The following NALF1 variants were observed in gnomAD, a reference collection of about 807,000 sequenced individuals.
NALF1 encodes NALCN channel auxiliary factor 1.
Under a neutral mutation model 48.4 loss-of-function variants are expected in NALF1, and 3 were observed. The observed-to-expected ratio is 0.06, with a 90% confidence interval of 0.03 to 0.16. The LOEUF is 0.16. Ranked by LOEUF, NALF1 falls within the 10% of genes least tolerant of loss-of-function variation. The probability of loss-of-function intolerance (pLI) is 1.00; values close to 1 mark genes in which losing one functional copy is unlikely to be tolerated. For missense variants in NALF1, 526 were observed against 571.5 expected, an observed-to-expected ratio of 0.92 and a Z score of 0.81; for synonymous variants, 262 against 245.7, an observed-to-expected ratio of 1.07 and a Z score of -0.62.
intron 1 of NALF1, among the ~76,000 whole-genome samples, chr13:107,428,702 A>C (rs1391122699): frequency 6.6e-6 from 1 of 152,186 alleles, no homozygotes; most frequent in Non-Finnish European, 1.5e-5. Context: ...AAACACCTTT[A>C]CCTCTAGCTC....
At chr13:107,749,756 A>G (rs1482240103) in intron 1 of NALF1, among the ~76,000 whole-genome samples, 1 of 152,086 alleles carries the variant, frequency 6.6e-6, no homozygotes, top group East Asian at 1.9e-4. Context: ...CAATAAAGTA[A>G]ACTTGATATG....
At chr13:107,733,953 C>T (rs1050157250) in intron 1 of NALF1, among the ~76,000 whole-genome samples, 1 of 152,176 alleles carries the variant, frequency 6.6e-6, no homozygotes, top group African/African-American at 2.4e-5. Context: ...GTACAGCCTA[C>T]TACATACCTA....
At chr13:107,197,297 T>C (rs1419171289) in intron 2 of NALF1, among the ~76,000 whole-genome samples, 2 of 152,178 alleles carry the variant, frequency 1.3e-5, no homozygotes, top group Non-Finnish European at 2.9e-5. Context: ...AGACAATGTA[T>C]CTTATAACAT....
chr13:107,759,861 A>C (rs992835294), intron 1 of NALF1, among the ~76,000 whole-genome samples: 1 of 151,892 alleles, frequency 6.6e-6, no homozygotes, highest in Non-Finnish European at 1.5e-5. Flanking sequence ...CCCATCCTCC[A>C]GCTGTGTCAT....
Position 107,215,631 on chromosome 13 carries a change from A to G in NALF1, c.916-4876T>C, listed in dbSNP as rs146130706. 9.7e-3 allele frequency among the ~76,000 whole-genome samples: 1,483 copies of G among 152,302 alleles called. 19 individuals are homozygous for G. The highest frequency in any genetic ancestry group is 0.034 in the African/African-American group (1,402 of 41,556). ...CGAACTCTAGAAAGAAATGCGTTACATGCAAATCTGGACAATCCTGAAGTA... is the reference window on the plus strand; with the variant it reads ...CGAACTCTAGAAAGAAATGCGTTACGTGCAAATCTGGACAATCCTGAAGTA... On this transcript the variant is annotated intron_variant, in intron 1 of 2. Transcript: ENST00000375915.
At chr13:107,579,690 T>C (rs1173457227) in intron 1 of NALF1, among the ~76,000 whole-genome samples, 3 of 152,136 alleles carry the variant, frequency 2.0e-5, no homozygotes, top group African/African-American at 2.4e-5. Flanking sequence ...TTTTTTATTA[T>C]ACTTTAAGTT....
intron 1 of NALF1, among the ~76,000 whole-genome samples, chr13:107,565,060 A>G (rs1394183268): frequency 9.1e-6 from 1 of 109,652 alleles, no homozygotes; most frequent in African/African-American, 3.3e-5. Flanking sequence ...AAGGGGTGAT[A>G]TCTGCAAAAA....
At chr13:107,341,267 G>T (rs1353688810) in intron 1 of NALF1, among the ~76,000 whole-genome samples, 1 of 152,012 alleles carries the variant, frequency 6.6e-6, no homozygotes, top group African/African-American at 2.4e-5. Flanking sequence ...TGGTGGAGTG[G>T]TCTTTCATTT....
chr13:107,562,233 C>T (rs1877667791), intron 1 of NALF1, among the ~76,000 whole-genome samples: 4 of 152,202 alleles, frequency 2.6e-5, no homozygotes, highest in African/African-American at 9.7e-5. Context: ...TGCTGGCATG[C>T]ATGTGATCTT....
chr13:107,317,185 A>T (rs1882167042), intron 1 of NALF1, among the ~76,000 whole-genome samples: 1 of 152,136 alleles, frequency 6.6e-6, no homozygotes, highest in East Asian at 1.9e-4. Context: ...TAGCAAAATG[A>T]AAGATTATCT....
rs148061620 is a variant in NALF1 at position 107,323,664 on chromosome 13, G to T, written c.916-112909C>A. Among the ~76,000 whole-genome samples, 607 of 152,262 alleles carry T rather than the reference G, an allele frequency of 4.0e-3. 13 individuals carry two copies. Among genetic ancestry groups the T allele is most frequent in the Admixed American group, 0.024 (373 of 15,276 alleles). Reference sequence around the variant, plus strand: ...TTTTCACAGCCCAGAGCAGACTCTAGTACCTGTACTACAGTCGACCTGCAA... The same window carrying T: ...TTTTCACAGCCCAGAGCAGACTCTATTACCTGTACTACAGTCGACCTGCAA... On this transcript the variant is annotated intron_variant, in intron 1 of 2. Transcript: ENST00000375915.
At chr13:107,693,839 T>C (rs936597934) in intron 1 of NALF1, among the ~76,000 whole-genome samples, 3 of 152,208 alleles carry the variant, frequency 2.0e-5, no homozygotes, top group Non-Finnish European at 4.4e-5. Context: ...GCCACGGTCC[T>C]TTCTAAGTGC....
intron 1 of NALF1, among the ~76,000 whole-genome samples, chr13:107,783,062 G>A (rs1254443640): frequency 2.1e-5 from 3 of 144,196 alleles, no homozygotes; most frequent in Non-Finnish European, 3.0e-5. Flanking sequence ...CGGGAGGGAG[G>A]TGGGGGGGTC....
chr13:107,759,197 T>C (rs929442692), intron 1 of NALF1, among the ~76,000 whole-genome samples: 9 of 152,068 alleles, frequency 5.9e-5, no homozygotes, highest in African/African-American at 2.2e-4. Context: ...CATTTGTGTC[T>C]CTGATTTCTT....
At position 107,375,957 on chromosome 13, in the gene NALF1, C is replaced by G. The variant is rs572834216; in HGVS notation, c.916-165202G>C. Among the ~76,000 whole-genome samples, 6 of 152,042 alleles carry G rather than the reference C, an allele frequency of 3.9e-5. No individual in the cohort carries two copies. In the East Asian group the frequency reaches 1.2e-3, roughly 30 times the overall value. On this transcript the variant is annotated intron_variant, in intron 1 of 2. Transcript: ENST00000375915. ...ACACACACACACATACACACACACACAGAATGATGAATGGGGCCACCAATG... is the reference window on the plus strand; with the variant it reads ...ACACACACACACATACACACACACAGAGAATGATGAATGGGGCCACCAATG...
At chr13:107,741,068 T>C (rs1876620390) in intron 1 of NALF1, among the ~76,000 whole-genome samples, 1 of 152,186 alleles carries the variant, frequency 6.6e-6, no homozygotes, top group Non-Finnish European at 1.5e-5. Context: ...TCTTGTTTGG[T>C]ATCAGTAGCG....
At chr13:107,808,001 G>A (rs1405453553) in intron 1 of NALF1, among the ~76,000 whole-genome samples, 2 of 152,122 alleles carry the variant, frequency 1.3e-5, no homozygotes, top group African/African-American at 4.8e-5. Context: ...ATATATGTGA[G>A]TGTGTTCCAG....
intron 1 of NALF1, among the ~76,000 whole-genome samples, chr13:107,443,946 A>G (rs1884607243): frequency 6.6e-6 from 1 of 152,182 alleles, no homozygotes. Context: ...TTTCATTTTC[A>G]GTGTTCATAT....
intron 1 of NALF1, among the ~76,000 whole-genome samples, chr13:107,696,021 T>C (rs1219974406): frequency 1.3e-5 from 2 of 151,950 alleles, no homozygotes; most frequent in African/African-American, 4.8e-5. Flanking sequence ...CGCAGCCTCC[T>C]GAATAGCTGG....
Sources: allele counts gnomAD v4.1 joint callset (sites outside exome capture counted in the v4.1 genomes callset), GRCh38; gene constraint gnomAD v4.1.1; transcripts MANE v1.5; gene names NCBI Gene and HGNC (gene_info 2026-07-23, HGNC 2026-07-21).